TRIM54: variants seen among roughly 807,000 people sequenced by gnomAD.
The protein encoded by TRIM54 is tripartite motif-containing protein 54.
In TRIM54, 40 loss-of-function variants were observed where a neutral mutation model predicts 42.0. That is an observed-to-expected ratio of 0.95 (90% CI 0.74 to 1.24). The LOEUF (loss-of-function observed/expected upper bound fraction) is 1.24. TRIM54 is among the 50% of genes most tolerant of loss of function. TRIM54 has a pLI of 0.00. For missense variants in TRIM54, 485 were observed against 480.3 expected (o/e 1.01, Z -0.09); for synonymous variants, 199 against 194.9 (o/e 1.02, Z -0.17).
intron 3 of TRIM54, 194 bp downstream of exon 3, chr2:27,299,610 A>C: frequency 1.6e-6 from 2 of 1,221,474 alleles, no homozygotes; most frequent in Non-Finnish European, 2.3e-6. Flanking sequence ...TCCCGAGCTC[A>C]AGTGATCCTC....
intron 1 of TRIM54, among the ~76,000 whole-genome samples, chr2:27,290,645 A>G (rs1199729597): frequency 6.6e-6 from 1 of 152,186 alleles, no homozygotes; most frequent in Non-Finnish European, 1.5e-5. Context: ...GACTCCATCT[A>G]AAAATAAATA....
chr2:27,293,670 T>C (rs1409911787), intron 1 of TRIM54, among the ~76,000 whole-genome samples: 2 of 152,314 alleles, frequency 1.3e-5, no homozygotes, highest in Non-Finnish European at 2.9e-5. Context: ...TTCTTTCCTC[T>C]GTGAAGGTTT....
At chr2:27,291,286 C>T (rs1196126840) in intron 1 of TRIM54, among the ~76,000 whole-genome samples, 21 of 152,056 alleles carry the variant, frequency 1.4e-4, no homozygotes, top group Admixed American at 5.2e-4. Context: ...GCCCGGGAAG[C>T]AGAGGTTGCA....
intron 3 of TRIM54, among the ~76,000 whole-genome samples, chr2:27,301,009 C>T (rs1335291065): frequency 6.6e-6 from 1 of 152,024 alleles, no homozygotes; most frequent in East Asian, 1.9e-4. Context: ...GTTATTGGAT[C>T]TCGCGCAAGA....
rs1317512055 is a variant in TRIM54 at position 27,282,557 on chromosome 2, TCCGAAGACTG to T, written c.-173_-164del. 3 of 612,348 alleles carry T rather than the reference TCCGAAGACTG, an allele frequency of 4.9e-6. No homozygotes were observed. Among genetic ancestry groups the T allele is most frequent in the Non-Finnish European group, 8.2e-6 (3 of 367,608 alleles). The allele number at this position is 612,348 out of a possible 1,614,324, so 37.9% of individuals were successfully genotyped here. A position where few individuals can be genotyped will look rare whatever the true frequency, so the allele number is the denominator to read the frequency against. On this transcript the variant is annotated 5_prime_UTR_variant, in exon 1 of 9. Transcript: ENST00000380075. ...GGTGCAGAGCAGAAAGTAGAGACTG[TCCGAAGACTG>T]CTATCTGGGACGAGACAAGTTGTTA...
intron 1 of TRIM54, among the ~76,000 whole-genome samples, chr2:27,285,974 A>G (rs1402326478): frequency 6.6e-6 from 1 of 152,120 alleles, no homozygotes; most frequent in Non-Finnish European, 1.5e-5. Flanking sequence ...CATGCCTGTA[A>G]TCCCAACACT....
intron 1 of TRIM54, among the ~76,000 whole-genome samples, chr2:27,284,616 G>A (rs1468534727): frequency 6.6e-6 from 1 of 152,028 alleles, no homozygotes; most frequent in Non-Finnish European, 1.5e-5. Flanking sequence ...GCAATGCTTT[G>A]CCCACCATCT....
At chr2:27,300,069 G>A (rs1678987812) in intron 3 of TRIM54, among the ~76,000 whole-genome samples, 1 of 151,590 alleles carries the variant, frequency 6.6e-6, no homozygotes, top group Admixed American at 6.6e-5. Flanking sequence ...TTGAACTCCT[G>A]GGCTCAAGTG....
chr2:27,300,804 T>A (rs1173092150), intron 3 of TRIM54, among the ~76,000 whole-genome samples: 2 of 152,026 alleles, frequency 1.3e-5, no homozygotes, highest in Non-Finnish European at 2.9e-5. Context: ...AGGTTGAGGC[T>A]GCAGTGAGCC....
chr2:27,289,011 A>G (rs938031395), intron 1 of TRIM54, among the ~76,000 whole-genome samples: 1 of 152,186 alleles, frequency 6.6e-6, no homozygotes, highest in African/African-American at 2.4e-5. Flanking sequence ...TTCTAACTGG[A>G]TATTAGTCAG....
chr2:27,286,191 CATT>C (rs921965011), intron 1 of TRIM54, among the ~76,000 whole-genome samples: 37 of 150,918 alleles, frequency 2.5e-4, no homozygotes, highest in African/African-American at 8.0e-4. Context: ...GATGGTGTCA[CATT>C]ATGTTACCCA....
rs537085487 is a variant in TRIM54 at position 27,291,056 on chromosome 2, A to G, written c.169-7511A>G. ...TACTATAATTTAATAGTTCTATTTTAAAACACTCACTTTTAGGCTAGGTGC... is the reference window on the plus strand; with the variant it reads ...TACTATAATTTAATAGTTCTATTTTGAAACACTCACTTTTAGGCTAGGTGC... On this transcript the variant is annotated intron_variant, in intron 1 of 8. Transcript: ENST00000380075. Among the ~76,000 whole-genome samples the G allele has an allele frequency of 3.3e-5, 5 of 152,334 alleles. No individual in the cohort carries two copies. The South Asian group carries it at 8.3e-4, about 25-fold the overall frequency.
At chr2:27,286,883 A>T (rs1305839211) in intron 1 of TRIM54, among the ~76,000 whole-genome samples, 1 of 152,182 alleles carries the variant, frequency 6.6e-6, no homozygotes, top group East Asian at 1.9e-4. Flanking sequence ...GCCAGAGAAG[A>T]TCCTACCCAG....
intron 1 of TRIM54, among the ~76,000 whole-genome samples, chr2:27,286,095 A>G (rs1678549681): frequency 6.6e-6 from 1 of 152,130 alleles, no homozygotes; most frequent in African/African-American, 2.4e-5. Context: ...GTTGAACAGT[A>G]TTAAGGGGTT....
At chr2:27,283,820 A>ACACACG (rs1558581018) in intron 1 of TRIM54, among the ~76,000 whole-genome samples, 2 of 150,562 alleles carry the variant, frequency 1.3e-5, no homozygotes, top group Admixed American at 6.6e-5. Context: ...ACACACACAC[A>ACACACG]CGGCCTTGCC....
At chr2:27,299,698 A>G (rs1558588225) in intron 3 of TRIM54, 20 of 611,278 alleles carry the variant, frequency 3.3e-5, no homozygotes, top group Middle Eastern at 5.1e-4. Flanking sequence ...CTATCTATCT[A>G]TCTATCTATC....
At chr2:27,286,452 T>C (rs1326705391) in intron 1 of TRIM54, among the ~76,000 whole-genome samples, 1 of 152,182 alleles carries the variant, frequency 6.6e-6, no homozygotes, top group Admixed American at 6.5e-5. Context: ...TCCCCACACT[T>C]GCACCCACTC....
Position 27,306,292 on chromosome 2 carries a change from G to T in TRIM54, c.946G>T (p.Val316Leu). Reference protein sequence around the residue: ...YESMEQFTVRVEHVAEMLRTI... With the variant: ...YESMEQFTVRLEHVAEMLRTI... ...GAGCATGGAGCAATTCACCGTAAGG[G>T]TGGAGCACGTGGCCGAAATGCTGCG... The change falls in exon 7 of 9, where the codon GTG becomes TTG. Residue 316 changes from valine (V) to leucine (L), a missense_variant. Physicochemically the swap from Val to Leu is conservative, Grantham distance 32 (BLOSUM62 1). Transcript: ENST00000380075. This position sits in a 1 kb window ranked among gnomAD's most constrained non-coding sequence, Gnocchi z 6.1. 1 of 1,614,188 alleles carries T rather than the reference G, an allele frequency of 6.2e-7. No homozygotes were observed. Among genetic ancestry groups the T allele is most frequent in the Non-Finnish European group, 8.5e-7 (1 of 1,180,020 alleles).
Position 27,306,383 on chromosome 2 carries a change from G to C in TRIM54, c.991+46G>C. On this transcript the variant is annotated intron_variant, in intron 7 of 8. Transcript: ENST00000380075. The surrounding 1 kb of genome is among the most constrained non-coding windows in gnomAD (Gnocchi z 6.1). ...CCGCTGAGACGGGTTCGGACCCTCT[G>C]TGTGGGGGGTGCGGCGGGCACGATG... The C allele has an allele frequency of 6.2e-7, 1 of 1,613,722 alleles. No homozygotes were observed. Among genetic ancestry groups the C allele is most frequent in the Non-Finnish European group, 8.5e-7 (1 of 1,179,804 alleles).
Sources: gnomAD v4.1 joint callset for allele counts (sites outside exome capture counted in the v4.1 genomes callset) on GRCh38, gnomAD v4.1.1 for gene constraint, Gnocchi (gnomAD v3.1) non-coding constraint, MANE v1.5 for transcripts, NCBI Gene and HGNC (gene_info 2026-07-23, HGNC 2026-07-21) for gene names.